Variants in CSMD1 observed in about 807,000 individuals in gnomAD.
The protein encoded by CSMD1 is CUB and Sushi multiple domains 1, also known as CUB and sushi domain-containing protein 1.
A neutral mutation model predicts 417.5 loss-of-function variants in CSMD1; 213 were observed. The observed-to-expected ratio is 0.51, with a 90% CI of 0.46 to 0.57. CSMD1 has a LOEUF of 0.57. Among genes scored for constraint, CSMD1 ranks in the 20% least tolerant of loss-of-function variants. CSMD1 has a pLI of 0.00. For missense variants in CSMD1, 6,923 were observed against 4,529.7 expected, an observed-to-expected ratio of 1.53 and a Z score of -15.17; for synonymous variants, 2,862 against 1,736.8, an observed-to-expected ratio of 1.65 and a Z score of -16.11.
In CSMD1 at chr8:3,869,734, CCAG is replaced by C. The variant is rs549465104; in HGVS notation, c.819-115695_819-115693del. On this transcript the variant is annotated intron_variant, in intron 5 of 69. Coordinates refer to ENST00000635120, the MANE Select transcript of CSMD1 (RefSeq NM_033225.6). ...GAAGCTCATCCTGGCAGGACCCACCCCAGCAGAAGCACTAGCAGGCAACACGGG... is the reference window on the plus strand; with the variant it reads ...GAAGCTCATCCTGGCAGGACCCACCCCAGAAGCACTAGCAGGCAACACGGG... Among the ~76,000 whole-genome samples, 279 of 152,150 alleles carry C rather than the reference CCAG, an allele frequency of 1.8e-3. 1 individual carries two copies. The highest frequency in any genetic ancestry group is 1.7e-3 in the Non-Finnish European group (115 of 68,014).
intron 1 of CSMD1, among the ~76,000 whole-genome samples, chr8:4,935,420 C>A (rs992363411): frequency 6.6e-6 from 1 of 152,156 alleles, no homozygotes. Flanking sequence ...TTGAAGTTAC[C>A]GGTTCATTTC....
At chr8:3,199,663 G>A (rs1223195324) in intron 33 of CSMD1, 51 bp downstream of exon 33, 4 of 1,249,384 alleles carry the variant, frequency 3.2e-6, no homozygotes, top group South Asian at 1.4e-5. Flanking sequence ...CGTGGGTGCA[G>A]CATCAGGAAA....
At chr8:2,941,494 A>G (rs1301515867) in intron 69 of CSMD1, among the ~76,000 whole-genome samples, 1 of 152,184 alleles carries the variant, frequency 6.6e-6, no homozygotes, top group Non-Finnish European at 1.5e-5. Context: ...AGTATTTTAG[A>G]GTAGTTTGGC....
intron 2 of CSMD1, among the ~76,000 whole-genome samples, chr8:4,473,811 TAG>T (rs1800659326): frequency 6.6e-6 from 1 of 152,022 alleles, no homozygotes; most frequent in South Asian, 2.1e-4. Flanking sequence ...GACAGAAAAA[TAG>T]AGATAGAATT....
chr8:3,198,048 T>A (rs531643909), intron 33 of CSMD1, among the ~76,000 whole-genome samples: 4 of 152,278 alleles, frequency 2.6e-5, no homozygotes, highest in African/African-American at 9.6e-5. Flanking sequence ...AAAAATAAAT[T>A]TCCTCTATAA....
rs1348416683 is a variant in CSMD1, at chr8:3,219,238, T to G, written c.4672+17A>C. The G allele has an allele frequency of 1.3e-6, 2 of 1,570,684 alleles. No homozygotes were observed. The highest frequency in any genetic ancestry group is 1.7e-6 in the Non-Finnish European group (2 of 1,156,058). On this transcript the variant is annotated intron_variant, in intron 29 of 69. Coordinates refer to ENST00000635120, the MANE Select transcript of CSMD1 (RefSeq NM_033225.6). The stretch of plus-strand genomic sequence containing the variant: ...GATACAAATTAATTCCCACTCAAAT[T>G]CAGGCAATCGCAATACCTTTAAATT...
chr8:3,045,753 G>A (rs969813411), intron 50 of CSMD1, among the ~76,000 whole-genome samples: 4 of 152,120 alleles, frequency 2.6e-5, no homozygotes, highest in South Asian at 2.1e-4. Flanking sequence ...TCTCTTCTCC[G>A]ATTTTCTGGA....
intron 3 of CSMD1, among the ~76,000 whole-genome samples, chr8:4,065,559 C>G: frequency 6.6e-6 from 1 of 152,038 alleles, no homozygotes; most frequent in Middle Eastern, 3.4e-3. Context: ...AGTAGCTAAT[C>G]TTTTTTCACT....
intron 12 of CSMD1, among the ~76,000 whole-genome samples, chr8:3,466,607 G>A (rs1445119678): frequency 8.6e-6 from 1 of 115,710 alleles, no homozygotes; most frequent in African/African-American, 3.6e-5. Context: ...TTTGTATTCT[G>A]AGGAGAGATA....
At chr8:4,098,904 A>C (rs1469277892) in intron 3 of CSMD1, among the ~76,000 whole-genome samples, 1 of 152,226 alleles carries the variant, frequency 6.6e-6, no homozygotes, top group Non-Finnish European at 1.5e-5. Flanking sequence ...ACTGTGGGTT[A>C]GAACCAGTAT....
At chr8:4,787,872 G>C (rs1028555390) in intron 1 of CSMD1, 104 of 1,575,096 alleles carry the variant, frequency 6.6e-5, no homozygotes, top group Non-Finnish European at 8.5e-5. Flanking sequence ...ATTGTACACT[G>C]GTTGATATGA....
intron 6 of CSMD1, among the ~76,000 whole-genome samples, chr8:3,739,057 A>G (rs1268142178): frequency 6.6e-6 from 1 of 152,194 alleles, no homozygotes; most frequent in Non-Finnish European, 1.5e-5. Context: ...ATGTTCTTAC[A>G]TTTCACCTGA....
intron 8 of CSMD1, among the ~76,000 whole-genome samples, chr8:3,608,192 A>T (rs1398795903): frequency 1.3e-5 from 2 of 148,632 alleles, no homozygotes; most frequent in South Asian, 2.1e-4. Flanking sequence ...AAAAAAAAAA[A>T]GTAAAGGAAG....
At chr8:3,301,561 G>A (rs1216547686) in intron 25 of CSMD1, among the ~76,000 whole-genome samples, 2 of 152,174 alleles carry the variant, frequency 1.3e-5, no homozygotes, top group African/African-American at 4.8e-5. Flanking sequence ...GGAAGAAACT[G>A]GAGGTGAGTC....
intron 10 of CSMD1, among the ~76,000 whole-genome samples, chr8:3,497,296 A>C (rs1380675456): frequency 6.6e-6 from 1 of 152,144 alleles, no homozygotes; most frequent in East Asian, 1.9e-4. Flanking sequence ...CCCATCAATA[A>C]TGTTTGCTTT....
chr8:3,558,128 C>T (rs1825179), intron 10 of CSMD1, among the ~76,000 whole-genome samples: 7 of 141,910 alleles, frequency 4.9e-5, no homozygotes, highest in Non-Finnish European at 7.8e-5. Context: ...AATGGTACCC[C>T]GTGTCCACTC....
rs146121344 is a variant in CSMD1, at chr8:3,193,719, G to A, written c.5195-3604C>T. Among the ~76,000 whole-genome samples, 565 of 152,286 alleles carry A rather than the reference G, an allele frequency of 3.7e-3. 3 individuals are homozygous for A. The highest frequency in any genetic ancestry group is 5.2e-3 in the Non-Finnish European group (354 of 68,024). ...ATCAACAAAATGATTGACTTCTCAG[G>A]CCAGACAACCGTGTTTCTTCAGAGG... On this transcript the variant is annotated intron_variant, in intron 33 of 69. Transcript: ENST00000635120.
At chr8:3,484,291 T>C (rs1001820279) in intron 11 of CSMD1, among the ~76,000 whole-genome samples, 3 of 152,140 alleles carry the variant, frequency 2.0e-5, no homozygotes, top group Non-Finnish European at 4.4e-5. Context: ...CAAATACATC[T>C]AACTAGTTTT....
Position 3,831,295 on chromosome 8 carries a change from G to A in CSMD1, c.819-77253C>T, listed in dbSNP as rs184923855. 5.9e-5 allele frequency among the ~76,000 whole-genome samples: 9 copies of A among 152,248 alleles called. No homozygotes were observed. In the East Asian group the frequency reaches 1.5e-3, roughly 26 times the overall value. ...TGCTCGTCAGGGGAGCTGCCCTGGG[G>A]AGCTGTGGCATGTTGCATTTCGGAC... On this transcript the variant is annotated intron_variant, in intron 5 of 69. Transcript: ENST00000635120.
Sources: allele counts gnomAD v4.1 joint callset (sites outside exome capture counted in the v4.1 genomes callset), GRCh38; gene constraint gnomAD v4.1.1; transcripts MANE v1.5; gene names NCBI Gene and HGNC (gene_info 2026-07-23, HGNC 2026-07-21).